Variants in NCAM2 observed in about 807,000 individuals in gnomAD.
NCAM2 encodes the protein N-CAM-2.
Under a neutral mutation model 98.1 loss-of-function variants are expected in NCAM2, and 30 were observed. That is an observed-to-expected ratio of 0.31 (90% CI 0.23 to 0.41). The LOEUF is 0.41. Among genes scored for constraint, NCAM2 ranks in the 10% least tolerant of loss-of-function variants. The probability of loss-of-function intolerance (pLI) is 1.00; values close to 1 mark genes in which losing one functional copy is unlikely to be tolerated. For missense variants in NCAM2, 867 were observed against 1,005.8 expected (o/e 0.86, Z 1.87); for synonymous variants, 368 against 342.4 (o/e 1.07, Z -0.83).
chr21:21,355,250 A>C (rs1484145414), intron 8 of NCAM2, among the ~76,000 whole-genome samples: 1 of 151,878 alleles, frequency 6.6e-6, no homozygotes, highest in African/African-American at 2.4e-5. Context: ...CCTGGCCAAC[A>C]TGGCAAAAAC....
chr21:21,299,995 A>G (rs2147635666), intron 5 of NCAM2, among the ~76,000 whole-genome samples: 1 of 152,158 alleles, frequency 6.6e-6, no homozygotes, highest in East Asian at 1.9e-4. Flanking sequence ...GATGCTGTGT[A>G]AATAGTGTTA....
intron 1 of NCAM2, among the ~76,000 whole-genome samples, chr21:21,224,390 A>G (rs2147149182): frequency 6.6e-6 from 1 of 152,306 alleles, no homozygotes. Context: ...CAGGTAGAAT[A>G]TAAACAAATA....
chr21:21,482,246 T>G (rs944842319), intron 15 of NCAM2, among the ~76,000 whole-genome samples: 2 of 152,128 alleles, frequency 1.3e-5, no homozygotes, highest in Non-Finnish European at 2.9e-5. Flanking sequence ...TTAAAGGCTG[T>G]GATGATGGGG....
chr21:21,042,135 T>A (rs920797458), intron 1 of NCAM2, among the ~76,000 whole-genome samples: 7 of 152,214 alleles, frequency 4.6e-5, no homozygotes, highest in African/African-American at 1.7e-4. Context: ...AATCTGACTC[T>A]ACATCAATAG....
intron 1 of NCAM2, among the ~76,000 whole-genome samples, chr21:21,149,767 G>C (rs978534148): frequency 6.6e-6 from 1 of 152,112 alleles, no homozygotes; most frequent in Non-Finnish European, 1.5e-5. Context: ...TGGCTGCATA[G>C]TATTACATGG....
chr21:21,004,429 G>T lies in NCAM2; in HGVS notation c.55+5811G>T, dbSNP rs75695494. Among the ~76,000 whole-genome samples, 138 of 152,214 alleles carry T rather than the reference G, an allele frequency of 9.1e-4. 3 individuals are homozygous for T. In the East Asian group the frequency reaches 0.024, roughly 26 times the overall value. On this transcript the variant is annotated intron_variant, in intron 1 of 17. Coordinates refer to ENST00000400546, the MANE Select transcript of NCAM2 (RefSeq NM_004540.5). ...CGATTTGCCTATATCACTTATTTTT[G>T]TAGTTATCTGGAACTGGGAGTAGAT... is the stretch of plus-strand genomic sequence containing the variant.
At chr21:21,267,004 T>C (rs2072308613) in intron 1 of NCAM2, among the ~76,000 whole-genome samples, 1 of 152,122 alleles carries the variant, frequency 6.6e-6, no homozygotes, top group Admixed American at 6.6e-5. Flanking sequence ...CTATTAAGCC[T>C]AGGTACCAAT....
At chr21:21,306,289 A>G (rs908997306) in intron 5 of NCAM2, among the ~76,000 whole-genome samples, 3 of 152,140 alleles carry the variant, frequency 2.0e-5, no homozygotes, top group Non-Finnish European at 2.9e-5. Context: ...TTTAAACTCT[A>G]ATAAAATTAA....
intron 1 of NCAM2, among the ~76,000 whole-genome samples, chr21:21,127,624 C>T (rs1252439417): frequency 6.6e-6 from 1 of 152,104 alleles, no homozygotes; most frequent in African/African-American, 2.4e-5. Flanking sequence ...CCCTCACCTT[C>T]TCAGCCTCTG....
intron 8 of NCAM2, among the ~76,000 whole-genome samples, chr21:21,370,543 T>C (rs759274244): frequency 1.3e-5 from 2 of 151,796 alleles, no homozygotes; most frequent in Non-Finnish European, 2.9e-5. Context: ...TGCCCACTTT[T>C]CAATTTGAGT....
At chr21:21,238,218 G>C (rs999811710) in intron 1 of NCAM2, among the ~76,000 whole-genome samples, 2 of 151,902 alleles carry the variant, frequency 1.3e-5, no homozygotes, top group African/African-American at 2.4e-5. Flanking sequence ...CGGCCTCCCA[G>C]AGTGCTGGGA....
chr21:21,399,187 T>C (rs1363331258), intron 9 of NCAM2, among the ~76,000 whole-genome samples: 1 of 152,240 alleles, frequency 6.6e-6, no homozygotes, highest in Non-Finnish European at 1.5e-5. Context: ...ACTTTTCCTT[T>C]AACTCCAGAA....
chr21:21,355,878 G>A (rs2075465918), intron 8 of NCAM2, among the ~76,000 whole-genome samples: 1 of 151,932 alleles, frequency 6.6e-6, no homozygotes, highest in Admixed American at 6.6e-5. Flanking sequence ...CAAAGTACTG[G>A]GATCACAGGC....
chr21:21,159,975 T>C (rs2067732450), intron 1 of NCAM2, among the ~76,000 whole-genome samples: 1 of 152,066 alleles, frequency 6.6e-6, no homozygotes, highest in Non-Finnish European at 1.5e-5. Flanking sequence ...TAGAAATTTG[T>C]TATTGCCTGA....
intron 17 of NCAM2, 119 bp downstream of exon 17, chr21:21,534,775 T>C (rs1233024373): frequency 4.8e-6 from 5 of 1,045,532 alleles, no homozygotes; most frequent in Non-Finnish European, 6.3e-6. Flanking sequence ...GTGCTTTTAC[T>C]TTTTTGATGA....
intron 2 of NCAM2, among the ~76,000 whole-genome samples, chr21:21,283,243 G>GA (rs1487090494): frequency 6.6e-6 from 1 of 151,828 alleles, no homozygotes; most frequent in African/African-American, 2.4e-5. Context: ...CATTTCTTCG[G>GA]AAAAATGAGA....
intron 7 of NCAM2, among the ~76,000 whole-genome samples, 184 bp downstream of exon 7, chr21:21,335,849 T>A (rs11909613): frequency 6.6e-6 from 1 of 152,076 alleles, no homozygotes; most frequent in Admixed American, 6.6e-5. Flanking sequence ...AAATTACATA[T>A]GCAAATTTTT....
At chr21:21,286,539 G>T in intron 4 of NCAM2, 127 bp downstream of exon 4, 1 of 1,016,528 alleles carries the variant, frequency 9.8e-7, no homozygotes, top group East Asian at 2.6e-5. Context: ...ACTATTTTGA[G>T]AACCTGTAAG....
intron 1 of NCAM2, among the ~76,000 whole-genome samples, chr21:21,209,517 G>GTGAGGCATCTGGTA (rs1568771982): frequency 6.6e-6 from 1 of 152,096 alleles, no homozygotes; most frequent in African/African-American, 2.4e-5. Flanking sequence ...TTAAAGTATA[G>GTGAGGCATCTGGTA]TGAGGCATCT....
Sources: allele counts gnomAD v4.1 joint callset (sites outside exome capture counted in the v4.1 genomes callset), GRCh38; gene constraint gnomAD v4.1.1; transcripts MANE v1.5; gene names NCBI Gene and HGNC (gene_info 2026-07-23, HGNC 2026-07-21).